The following RTN4RL1 variants were observed in gnomAD, a reference collection of about 807,000 sequenced individuals.
RTN4RL1 encodes reticulon 4 receptor like 1.
RTN4RL1 carries 7 observed loss-of-function variants against 25.6 expected under a neutral mutation model. The observed-to-expected ratio is 0.27, with a 90% CI of 0.16 to 0.51. The LOEUF is 0.51. Ranked by LOEUF, RTN4RL1 falls within the 20% of genes least tolerant of loss-of-function variation. The pLI, the probability that RTN4RL1 is intolerant of heterozygous loss-of-function variation, is 0.97. For missense variants in RTN4RL1, 500 were observed against 615.6 expected (o/e 0.81, Z 1.99); for synonymous variants, 297 against 288.2 (o/e 1.03, Z -0.31).
intron 1 of RTN4RL1, among the ~76,000 whole-genome samples, chr17:1,947,643 G>T (rs537030641): frequency 9.2e-5 from 14 of 152,344 alleles, no homozygotes; most frequent in Non-Finnish European, 1.9e-4. Flanking sequence ...AGGCCTGGCT[G>T]GGAATGCCGT....
intron 1 of RTN4RL1, among the ~76,000 whole-genome samples, chr17:1,939,186 A>G (rs2151304175): frequency 6.6e-6 from 1 of 151,630 alleles, no homozygotes; most frequent in East Asian, 1.9e-4. Flanking sequence ...CCCCGTCTCT[A>G]CTAAAAATAC....
intron 1 of RTN4RL1, among the ~76,000 whole-genome samples, chr17:2,018,750 C>T (rs1032072611): frequency 2.2e-4 from 33 of 151,760 alleles, no homozygotes; most frequent in African/African-American, 7.0e-4. Context: ...TCATCTGACA[C>T]GGAGGAATGA....
chr17:2,010,640 C>A (rs747938946), intron 1 of RTN4RL1, among the ~76,000 whole-genome samples: 4 of 152,080 alleles, frequency 2.6e-5, no homozygotes, highest in African/African-American at 4.8e-5. Context: ...TCATTGCAGC[C>A]ACGGTCTCCT....
chr17:1,940,711 G>A (rs548963845), intron 1 of RTN4RL1, among the ~76,000 whole-genome samples: 30 of 152,174 alleles, frequency 2.0e-4, no homozygotes, highest in Admixed American at 1.2e-3. Flanking sequence ...GACACTCCCC[G>A]TCTCTCTCAG....
chr17:1,936,689 G>T lies in RTN4RL1; in HGVS notation c.1133C>A (p.Pro378Gln). The T allele has an allele frequency of 6.3e-7, 1 of 1,582,784 alleles. No individual in the cohort carries two copies. The highest frequency in any genetic ancestry group is 8.6e-7 in the Non-Finnish European group (1 of 1,166,418). The change falls in exon 2 of 2, where the codon CCA becomes CAA. Residue 378 changes from proline to glutamine, a missense_variant. Coordinates refer to ENST00000331238, the MANE Select transcript of RTN4RL1 (RefSeq NM_178568.4). ...GTGCTGGTAGTCTGGGGCATAGTCT[G>T]GCAGCTCGGGGGCCTGTTTCCCGGC... Reference protein sequence around the residue: ...AGAGKQAPELPDYAPDYQHKF... With the variant: ...AGAGKQAPELQDYAPDYQHKF...
At chr17:2,009,280 G>A (rs982042322) in intron 1 of RTN4RL1, among the ~76,000 whole-genome samples, 1 of 152,030 alleles carries the variant, frequency 6.6e-6, no homozygotes, top group South Asian at 2.1e-4. Context: ...GTCAACAAGG[G>A]GAAACCCTGT....
chr17:1,976,053 A>G (rs1171689754), intron 1 of RTN4RL1, among the ~76,000 whole-genome samples: 1 of 152,126 alleles, frequency 6.6e-6, no homozygotes, highest in Non-Finnish European at 1.5e-5. Flanking sequence ...ATAACATATG[A>G]TTTTCCTCCC....
At chr17:1,992,573 T>C (rs1009862149) in intron 1 of RTN4RL1, among the ~76,000 whole-genome samples, 4 of 152,148 alleles carry the variant, frequency 2.6e-5, no homozygotes, top group African/African-American at 9.7e-5. Context: ...GTGGGTATTA[T>C]TATTATCGCT....
At chr17:2,012,532 C>T (rs1209916918) in intron 1 of RTN4RL1, among the ~76,000 whole-genome samples, 1 of 152,178 alleles carries the variant, frequency 6.6e-6, no homozygotes. Context: ...AAAAATTCCC[C>T]ATTTCCTCCT....
chr17:1,959,127 T>C (rs1326124940), intron 1 of RTN4RL1, among the ~76,000 whole-genome samples: 2 of 152,228 alleles, frequency 1.3e-5, no homozygotes, highest in Non-Finnish European at 2.9e-5. Context: ...GGCCCAGGCC[T>C]CTTGGCCACT....
intron 1 of RTN4RL1, among the ~76,000 whole-genome samples, chr17:2,006,252 G>A (rs2066994849): frequency 6.6e-6 from 1 of 151,572 alleles, no homozygotes; most frequent in Non-Finnish European, 1.5e-5. Flanking sequence ...CCGCCTCCCA[G>A]GTTCAAGCAA....
chr17:2,002,227 T>C (rs986551681), intron 1 of RTN4RL1, among the ~76,000 whole-genome samples: 2 of 151,810 alleles, frequency 1.3e-5, no homozygotes, highest in Admixed American at 1.3e-4. Flanking sequence ...TCTTTCCCTT[T>C]CTTCCTTCCT....
intron 1 of RTN4RL1, among the ~76,000 whole-genome samples, chr17:1,943,863 C>T (rs538363850): frequency 6.6e-6 from 1 of 152,266 alleles, no homozygotes; most frequent in African/African-American, 2.4e-5. Context: ...GGCAGGGGCT[C>T]CTTGTCCATG....
chr17:1,979,484 GA>G (rs1328711168), intron 1 of RTN4RL1, among the ~76,000 whole-genome samples: 3 of 145,854 alleles, frequency 2.1e-5, no homozygotes, highest in African/African-American at 5.1e-5. Flanking sequence ...CTAAAAAAAA[GA>G]AAAAAAAAGA....
chr17:2,007,334 CCCAACACA>C (rs1374805980), intron 1 of RTN4RL1, among the ~76,000 whole-genome samples: 2 of 73,474 alleles, frequency 2.7e-5, no homozygotes, highest in African/African-American at 1.7e-4. Flanking sequence ...TGTTCACAGC[CCCAACACA>C]CACACACACA....
At chr17:1,986,040 G>A (rs2066885909) in intron 1 of RTN4RL1, among the ~76,000 whole-genome samples, 1 of 151,988 alleles carries the variant, frequency 6.6e-6, no homozygotes, top group Admixed American at 6.6e-5. Flanking sequence ...TGACAGCTCT[G>A]TCTCCACCAA....
chr17:2,016,765 C>T (rs1266825699), intron 1 of RTN4RL1, among the ~76,000 whole-genome samples: 1 of 152,206 alleles, frequency 6.6e-6, no homozygotes, highest in Non-Finnish European at 1.5e-5. Context: ...CCCCAGCGTC[C>T]GGCCTGCCCA....
intron 1 of RTN4RL1, among the ~76,000 whole-genome samples, chr17:1,984,725 G>A (rs922339986): frequency 1.3e-5 from 2 of 152,156 alleles, no homozygotes; most frequent in Non-Finnish European, 2.9e-5. Context: ...CCAGCACTTC[G>A]GGAGACCGAG....
intron 1 of RTN4RL1, among the ~76,000 whole-genome samples, chr17:2,009,097 A>G (rs2067023993): frequency 1.3e-5 from 2 of 152,214 alleles, no homozygotes; most frequent in South Asian, 2.1e-4. Flanking sequence ...TGATGTATCA[A>G]TGAGACAGGG....
Sources: gnomAD v4.1 joint callset for allele counts (sites outside exome capture counted in the v4.1 genomes callset) on GRCh38, gnomAD v4.1.1 for gene constraint, MANE v1.5 for transcripts, NCBI Gene and HGNC (gene_info 2026-07-23, HGNC 2026-07-21) for gene names.